CTNNA2: variants seen among roughly 807,000 people sequenced by gnomAD.
CTNNA2 encodes the protein catenin alpha-2.
In CTNNA2, 42 loss-of-function variants were observed where a neutral mutation model predicts 101.0. The observed-to-expected ratio is 0.42, with a 90% confidence interval of 0.32 to 0.54. The LOEUF is 0.54. CTNNA2 is among the 20% of genes least tolerant of loss of function. CTNNA2 has a pLI of 0.14. For missense variants in CTNNA2, 871 were observed against 1,223.1 expected (o/e 0.71, Z 4.29); for synonymous variants, 450 against 456.4 (o/e 0.99, Z 0.18).
At chr2:79,251,575 C>G (rs1054268799) in intron 2 of CTNNA2, among the ~76,000 whole-genome samples, 1 of 152,102 alleles carries the variant, frequency 6.6e-6, no homozygotes, top group Non-Finnish European at 1.5e-5. Flanking sequence ...CTTTTGCTTT[C>G]TCTCTCATTT....
intron 9 of CTNNA2, among the ~76,000 whole-genome samples, chr2:80,460,429 C>T (rs905386785): frequency 1.6e-4 from 24 of 152,010 alleles, no homozygotes; most frequent in African/African-American, 5.8e-4. Context: ...CTGTAACACT[C>T]AAAGAAAAGT....
chr2:79,679,253 C>T (rs113945158), intron 2 of CTNNA2, among the ~76,000 whole-genome samples: 17 of 152,184 alleles, frequency 1.1e-4, no homozygotes, highest in African/African-American at 3.9e-4. Flanking sequence ...AATAATGTAT[C>T]GGATGAATAT....
At chr2:79,710,159 T>G (rs956229603) in intron 2 of CTNNA2, among the ~76,000 whole-genome samples, 1 of 152,102 alleles carries the variant, frequency 6.6e-6, no homozygotes, top group Non-Finnish European at 1.5e-5. Context: ...TGTCAGCTTC[T>G]GCCTGATTAA....
chr2:79,728,434 T>C (rs1054107013), intron 2 of CTNNA2, among the ~76,000 whole-genome samples: 28 of 152,214 alleles, frequency 1.8e-4, no homozygotes, highest in African/African-American at 6.3e-4. Flanking sequence ...TTGTTTGTTT[T>C]TTTCTTGTAA....
At chr2:79,240,336 C>A (rs1185942821) in intron 2 of CTNNA2, among the ~76,000 whole-genome samples, 2 of 151,840 alleles carry the variant, frequency 1.3e-5, no homozygotes, top group East Asian at 3.9e-4. Context: ...AAGCATAGTA[C>A]CTGACAGGTA....
intron 3 of CTNNA2, among the ~76,000 whole-genome samples, chr2:79,829,976 C>T (rs1207489954): frequency 6.6e-6 from 1 of 152,002 alleles, no homozygotes; most frequent in Non-Finnish European, 1.5e-5. Context: ...TTAATGATAT[C>T]AAGTTTTGAT....
chr2:79,447,727 G>C (rs1678849366), intron 4 of CTNNA2, among the ~76,000 whole-genome samples: 2 of 152,098 alleles, frequency 1.3e-5, no homozygotes, highest in South Asian at 4.1e-4. Context: ...GTTTCTCTCA[G>C]GGTTGCAAAC....
chr2:79,305,602 A>C (rs1365315456), intron 2 of CTNNA2, among the ~76,000 whole-genome samples: 1 of 152,086 alleles, frequency 6.6e-6, no homozygotes, highest in Non-Finnish European at 1.5e-5. Context: ...ATTTTATATA[A>C]AGAATTCTGA....
intron 7 of CTNNA2, among the ~76,000 whole-genome samples, chr2:80,078,094 A>G (rs1698877129): frequency 6.6e-6 from 1 of 152,196 alleles, no homozygotes; most frequent in South Asian, 2.1e-4. Flanking sequence ...TATTTGACGC[A>G]TTTAGTTTTG....
intron 3 of CTNNA2, among the ~76,000 whole-genome samples, chr2:79,329,649 T>C (rs973633144): frequency 6.6e-6 from 1 of 152,104 alleles, no homozygotes; most frequent in Non-Finnish European, 1.5e-5. Flanking sequence ...TCCTCACGAA[T>C]TCCAGGCCCT....
At chr2:79,730,712 A>C (rs149285060) in intron 2 of CTNNA2, among the ~76,000 whole-genome samples, 14 of 152,150 alleles carry the variant, frequency 9.2e-5, no homozygotes, top group African/African-American at 2.6e-4. Flanking sequence ...TGATTTGATA[A>C]AGTATTTTTA....
At chr2:79,945,914 C>T (rs537142350) in intron 7 of CTNNA2, among the ~76,000 whole-genome samples, 5 of 152,158 alleles carry the variant, frequency 3.3e-5, no homozygotes, top group East Asian at 3.9e-4. Context: ...GCTGCACACA[C>T]GGTGCTATGG....
chr2:79,794,297 G>A (rs1675523314), intron 3 of CTNNA2, among the ~76,000 whole-genome samples: 1 of 151,986 alleles, frequency 6.6e-6, no homozygotes, highest in Admixed American at 6.6e-5. Flanking sequence ...AAGTAATTGT[G>A]GTTTTTGCCA....
Position 79,517,289 on chromosome 2 carries a change from C to T in CTNNA2, c.-6+4082C>T, listed in dbSNP as rs909360471. 2.0e-5 allele frequency among the ~76,000 whole-genome samples: 3 copies of T among 152,062 alleles called. No individual in the cohort carries two copies. In the South Asian group the frequency reaches 6.2e-4, roughly 32 times the overall value. On this transcript the variant is annotated intron_variant, in intron 1 of 18. Coordinates refer to ENST00000402739, the MANE Select transcript of CTNNA2 (RefSeq NM_001282597.3). ...AAATGGATTTCCAGAAAATTTTACC[C>T]ACAAGTTTGAAGTATCAGTATTTAT...
At chr2:79,943,349 A>G (rs1033266873) in intron 7 of CTNNA2, among the ~76,000 whole-genome samples, 3 of 152,222 alleles carry the variant, frequency 2.0e-5, no homozygotes, top group East Asian at 1.9e-4. Flanking sequence ...TTCAGTTACT[A>G]TTGGAGACCC....
chr2:79,859,058 A>G (rs927708861), intron 4 of CTNNA2, among the ~76,000 whole-genome samples: 17 of 152,006 alleles, frequency 1.1e-4, no homozygotes, highest in African/African-American at 4.1e-4. Flanking sequence ...TCCCTACTCC[A>G]TACCCTCAGT....
At chr2:79,358,649 G>A (rs1677561408) in intron 3 of CTNNA2, among the ~76,000 whole-genome samples, 1 of 152,176 alleles carries the variant, frequency 6.6e-6, no homozygotes, top group African/African-American at 2.4e-5. Context: ...AGGCTTTGGA[G>A]GCCAAGGACC....
intron 3 of CTNNA2, among the ~76,000 whole-genome samples, chr2:79,806,011 T>G (rs1676544846): frequency 2.0e-5 from 3 of 152,168 alleles, no homozygotes; most frequent in Middle Eastern, 3.4e-3. Context: ...AGGTTAAAAA[T>G]TATCATTTCA....
intron 15 of CTNNA2, among the ~76,000 whole-genome samples, chr2:80,589,906 G>GTGCA (rs1491389605): frequency 9.2e-4 from 135 of 146,128 alleles, no homozygotes; most frequent in African/African-American, 3.5e-3. Flanking sequence ...GTGTGTGTGT[G>GTGCA]CGCGCGCGCG....
Sources: allele counts gnomAD v4.1 joint callset (sites outside exome capture counted in the v4.1 genomes callset), GRCh38; gene constraint gnomAD v4.1.1; transcripts MANE v1.5; gene names NCBI Gene and HGNC (gene_info 2026-07-23, HGNC 2026-07-21).